PCDHGA8: variants seen among roughly 807,000 people sequenced by gnomAD.
PCDHGA8 encodes the protein protocadherin gamma-A8.
A neutral mutation model predicts 59.2 loss-of-function variants in PCDHGA8; 45 were observed. The ratio of observed to expected loss-of-function variants is 0.76; its 90% CI spans 0.60 to 0.98. The LOEUF is 0.98. PCDHGA8 is among the 50% of genes least tolerant of loss of function. PCDHGA8 has a pLI of 0.00. For missense variants in PCDHGA8, 1,257 were observed against 1,196.2 expected, an observed-to-expected ratio of 1.05 and a Z score of -0.75; for synonymous variants, 531 against 519.0, an observed-to-expected ratio of 1.02 and a Z score of -0.32.
In PCDHGA8 at chr5:141,395,126, C is replaced by G. The variant is rs1416844764; in HGVS notation, c.2313C>G (p.Pro771=). Residue 771 remains proline, a synonymous_variant, in exon 1 of 4, where the codon CCC becomes CCG. Coordinates refer to ENST00000398604, the MANE Select transcript of PCDHGA8 (RefSeq NM_032088.2). The part of the protein sequence containing the change: ...ADSRKSHLIF[P]QPNYADMLIS... The stretch of plus-strand genomic sequence containing the variant: ...CGCGGAAGAGTCACCTGATCTTTCC[C>G]CAGCCCAACTACGCAGACATGCTCA... The G allele has an allele frequency of 6.2e-7, 1 of 1,614,078 alleles. No homozygotes were observed. The highest frequency in any genetic ancestry group is 2.2e-5 in the East Asian group (1 of 44,890).
intron 1 of PCDHGA8, among the ~76,000 whole-genome samples, chr5:141,473,195 C>G (rs1053769499): frequency 6.6e-6 from 1 of 152,104 alleles, no homozygotes; most frequent in Non-Finnish European, 1.5e-5. Flanking sequence ...GTAAATGTAT[C>G]TTCTAAAAAA....
intron 1 of PCDHGA8, chr5:141,419,971 C>T (rs1254783575): frequency 1.2e-6 from 2 of 1,613,942 alleles, no homozygotes; most frequent in African/African-American, 2.7e-5. Context: ...TGCTCTTTCT[C>T]CTCGCGGTGA....
At chr5:141,488,525 G>A (rs1040463796) in intron 1 of PCDHGA8, among the ~76,000 whole-genome samples, 1 of 152,182 alleles carries the variant, frequency 6.6e-6, no homozygotes, top group African/African-American at 2.4e-5. Flanking sequence ...TGGGGTGTCA[G>A]AAAAGCTAAG....
intron 1 of PCDHGA8, chr5:141,400,090 A>G: frequency 6.2e-7 from 1 of 1,614,064 alleles, no homozygotes; most frequent in Non-Finnish European, 8.5e-7. Context: ...CGCCACCGCC[A>G]CGCTGCACTT....
intron 1 of PCDHGA8, chr5:141,415,523 T>G (rs1245542927): frequency 1.9e-6 from 3 of 1,614,196 alleles, no homozygotes; most frequent in Non-Finnish European, 2.5e-6. Context: ...GCGGACACGC[T>G]CATCAGCCAG....
chr5:141,430,720 T>G, intron 1 of PCDHGA8: 1 of 1,486,390 alleles, frequency 6.7e-7, no homozygotes, highest in East Asian at 2.4e-5. Flanking sequence ...ACTTCAGTGG[T>G]TAAGGGCAGA....
In PCDHGA8 at chr5:141,485,089, G is replaced by C; in HGVS notation, c.2425-9718G>C. 9.7e-7 allele frequency: 1 copy of C among 1,027,236 alleles called. No individual in the cohort carries two copies. The highest frequency in any genetic ancestry group is 1.5e-6 in the Non-Finnish European group (1 of 674,564). The allele number at this position is 1,027,236 out of a possible 1,614,324, so 63.6% of individuals were successfully genotyped here. On this transcript the variant is annotated intron_variant, in intron 1 of 3. Coordinates refer to ENST00000398604, the MANE Select transcript of PCDHGA8 (RefSeq NM_032088.2). This position sits in a 1 kb window ranked among gnomAD's most constrained non-coding sequence, Gnocchi z 5.7. ...GAGCTGGCGCGGGGAAAGGGAGATA[G>C]GTGTCTCCAGCTGCTGTGGCTGTTT... is the stretch of plus-strand genomic sequence containing the variant.
intron 1 of PCDHGA8, chr5:141,404,222 G>A (rs1407928050): frequency 6.2e-7 from 1 of 1,613,616 alleles, no homozygotes; most frequent in Admixed American, 1.7e-5. Context: ...CACGGTGACT[G>A]CAACAGACAG....
chr5:141,471,879 G>A (rs1027572395), intron 1 of PCDHGA8, among the ~76,000 whole-genome samples: 7 of 152,218 alleles, frequency 4.6e-5, no homozygotes, highest in African/African-American at 1.7e-4. Context: ...GCCTGAGGCT[G>A]AAGCTAGGAA....
chr5:141,430,399 T>C (rs2097282187), intron 1 of PCDHGA8, among the ~76,000 whole-genome samples: 1 of 150,106 alleles, frequency 6.7e-6, no homozygotes, highest in African/African-American at 2.4e-5. Flanking sequence ...AAAAAAAAGC[T>C]CACTAAAGTT....
chr5:141,473,048 A>T (rs1295750830), intron 1 of PCDHGA8, among the ~76,000 whole-genome samples: 4 of 151,992 alleles, frequency 2.6e-5, no homozygotes, highest in Non-Finnish European at 5.9e-5. Flanking sequence ...GAAAGAAAGA[A>T]GTGATACAAC....
At chr5:141,400,685 T>G in intron 1 of PCDHGA8, 1 of 827,408 alleles carries the variant, frequency 1.2e-6, no homozygotes, top group South Asian at 1.8e-5. Context: ...AAATTGTGAG[T>G]TTTTATGTCG....
intron 1 of PCDHGA8, among the ~76,000 whole-genome samples, chr5:141,492,221 G>C (rs62379206): frequency 0.18 from 27,189 of 152,134 alleles, 2,633 homozygotes; most frequent in Admixed American, 0.28. Context: ...GGGCTCATGC[G>C]TGTCCTCCCT....
chr5:141,432,949 C>A lies in PCDHGA8; in HGVS notation c.2424+37712C>A, dbSNP rs764998032. ...CACGCCTGCTGCAGGCTTCAGGAGG[C>A]GGCTTGACAGGAGCGCCGGCGTCGC... On this transcript the variant is annotated intron_variant, in intron 1 of 3. Transcript: ENST00000398604. This position sits in a 1 kb window ranked among gnomAD's most constrained non-coding sequence, Gnocchi z 6.0. The A allele has an allele frequency of 1.9e-6, 3 of 1,614,184 alleles. No homozygotes were observed. The highest frequency in any genetic ancestry group is 2.5e-6 in the Non-Finnish European group (3 of 1,180,040).
Position 141,393,080 on chromosome 5 carries a change from G to A in PCDHGA8, c.267G>A (p.Arg89=), listed in dbSNP as rs747012880. 6.2e-7 allele frequency: 1 copy of A among 1,613,694 alleles called. No homozygotes were observed. The highest frequency in any genetic ancestry group is 8.5e-7 in the Non-Finnish European group (1 of 1,179,912). ...PRSGSLITAG[R]IDREELCAQS... ...GCGGCAGCTTGATCACCGCGGGCAG[G>A]ATAGATCGGGAGGAGCTCTGCGCTC... Residue 89 remains arginine (R), a synonymous_variant, in exon 1 of 4, where the codon AGG becomes AGA. Transcript: ENST00000398604.
At chr5:141,500,370 G>C (rs766183384) in intron 2 of PCDHGA8, among the ~76,000 whole-genome samples, 1 of 151,644 alleles carries the variant, frequency 6.6e-6, no homozygotes, top group Non-Finnish European at 1.5e-5. Flanking sequence ...TACCACGCCC[G>C]GCTAATTATT....
intron 1 of PCDHGA8, chr5:141,405,405 T>C (rs765108115): frequency 1.4e-5 from 22 of 1,588,008 alleles, no homozygotes; most frequent in Non-Finnish European, 1.9e-5. Context: ...TTTCTTTCTT[T>C]TCTTTTTTTG....
intron 1 of PCDHGA8, among the ~76,000 whole-genome samples, chr5:141,482,592 C>T (rs187714622): frequency 1.0e-4 from 15 of 142,934 alleles, no homozygotes; most frequent in East Asian, 6.1e-4. Context: ...TGGGACCAAA[C>T]GGGAAAAAAC....
At chr5:141,440,770 G>A (rs2098199385) in intron 1 of PCDHGA8, 1 of 152,176 alleles carries the variant, frequency 6.6e-6, no homozygotes, top group African/African-American at 2.4e-5. Flanking sequence ...CCATCCCTTA[G>A]TGCTAGCAGC....
Sources: allele counts gnomAD v4.1 joint callset (sites outside exome capture counted in the v4.1 genomes callset), GRCh38; gene constraint gnomAD v4.1.1; non-coding constraint Gnocchi (gnomAD v3.1); transcripts MANE v1.5; gene names NCBI Gene and HGNC (gene_info 2026-07-23, HGNC 2026-07-21).